The following DYNC2H1 variants were observed in gnomAD, a reference collection of about 807,000 sequenced individuals.
The protein encoded by DYNC2H1 is dynein cytoplasmic 2 heavy chain 1, also known as cytoplasmic dynein 2 heavy chain 1.
Under a neutral mutation model 570.0 loss-of-function variants are expected in DYNC2H1, and 410 were observed. The observed-to-expected ratio is 0.72, with a 90% CI of 0.66 to 0.78. The LOEUF (loss-of-function observed/expected upper bound fraction) is 0.78, where lower values mean the gene tolerates loss of function less well. Among genes scored for constraint, DYNC2H1 ranks in the 30% least tolerant of loss-of-function variants. The pLI is 0.00. For synonymous variants in DYNC2H1, 1,688 were observed against 1,677.6 expected, an observed-to-expected ratio of 1.01 and a Z score of -0.15; for missense variants, 4,865 against 5,046.4, an observed-to-expected ratio of 0.96 and a Z score of 1.09.
rs559566138 is a variant in DYNC2H1, at chr11:103,143,790, A to C, written c.2702+395A>C. 1.8e-4 allele frequency among the ~76,000 whole-genome samples: 28 copies of C among 152,260 alleles called. 1 individual carries two copies. In the East Asian group the frequency reaches 4.3e-3, roughly 23 times the overall value. On this transcript the variant is annotated intron_variant, in intron 18 of 88. Coordinates refer to ENST00000375735, the MANE Select transcript of DYNC2H1 (RefSeq NM_001377.3). ...TTCCTTTCAAGATGTCCTGGAAGGC[A>C]CACAACATAGTGCTGCATCTAGATA...
At chr11:103,412,809 A>G (rs1050659156) in intron 84 of DYNC2H1, among the ~76,000 whole-genome samples, 9 of 152,228 alleles carry the variant, frequency 5.9e-5, no homozygotes, top group Non-Finnish European at 1.5e-5. Flanking sequence ...TCATACATAT[A>G]CATATAGAAC....
intron 70 of DYNC2H1, among the ~76,000 whole-genome samples, chr11:103,279,115 G>A (rs774690872): frequency 4.6e-5 from 7 of 152,184 alleles, no homozygotes; most frequent in Non-Finnish European, 1.0e-4. Flanking sequence ...CTGTATTTAA[G>A]AGTGGTGTTT....
chr11:103,168,665 A>ATGTACAGG, intron 31 of DYNC2H1, 90 bp from the exon 32 acceptor site: 1 of 1,316,624 alleles, frequency 7.6e-7, no homozygotes, highest in Non-Finnish European at 1.1e-6. Context: ...ATTTAAATTC[A>ATGTACAGG]TGGAGAAATC....
At chr11:103,329,184 A>G (rs977307852) in intron 82 of DYNC2H1, among the ~76,000 whole-genome samples, 9 of 151,976 alleles carry the variant, frequency 5.9e-5, no homozygotes, top group Non-Finnish European at 1.0e-4. Flanking sequence ...CCTGGGAAAT[A>G]TCTATGATTA....
rs547694254 is a variant in DYNC2H1, at chr11:103,252,230, T to C, written c.10043-1055T>C. On this transcript the variant is annotated intron_variant, in intron 65 of 88. Transcript: ENST00000375735. This position sits in a 1 kb window ranked among gnomAD's most constrained non-coding sequence, Gnocchi z 4.6. ...GATTACAGGCATAAGCAGCCGTGCCTGACCCACATTTTCTTTATCCGATCT... is the reference window on the plus strand; with the variant it reads ...GATTACAGGCATAAGCAGCCGTGCCCGACCCACATTTTCTTTATCCGATCT... 1.7e-4 allele frequency among the ~76,000 whole-genome samples: 26 copies of C among 152,218 alleles called. No individual in the cohort carries two copies. In the South Asian group the frequency reaches 5.4e-3, roughly 32 times the overall value.
rs745355739 is a variant in DYNC2H1, at chr11:103,233,830, ATGTGTGTG to A, written c.9441-163_9441-156del. On this transcript the variant is annotated intron_variant, in intron 60 of 88. Transcript: ENST00000375735. ...TTTGAGGTAGAGAATGCTACACTTT[ATGTGTGTG>A]TGTGTGTGTGTGTGTGTGTGTGTGT... Among the ~76,000 whole-genome samples, 2,281 of 75,840 alleles carry A rather than the reference ATGTGTGTG, an allele frequency of 0.03. 85 individuals are homozygous for A. The highest frequency in any genetic ancestry group is 0.084 in the African/African-American group (2,100 of 25,002). The allele number at this position is 75,840 out of a possible 152,430, so 49.8% of individuals were successfully genotyped here. A position where few individuals can be genotyped will look rare whatever the true frequency, so the allele number is the denominator to read the frequency against.
intron 59 of DYNC2H1, among the ~76,000 whole-genome samples, chr11:103,230,682 A>G (rs1307695623): frequency 6.6e-6 from 1 of 152,020 alleles, no homozygotes; most frequent in Non-Finnish European, 1.5e-5. Flanking sequence ...TCCTCTTTGT[A>G]TAGGCATTTT....
At chr11:103,424,012 C>A (rs1349975893) in intron 84 of DYNC2H1, among the ~76,000 whole-genome samples, 1 of 151,666 alleles carries the variant, frequency 6.6e-6, no homozygotes. Context: ...AAAAGGAGAT[C>A]AAGACTTGTG....
At chr11:103,180,203 G>A (rs1861792230) in intron 39 of DYNC2H1, among the ~76,000 whole-genome samples, 1 of 151,502 alleles carries the variant, frequency 6.6e-6, no homozygotes, top group African/African-American at 2.4e-5. Context: ...AATCTTGTGA[G>A]AAAAATAGAA....
In DYNC2H1 at chr11:103,334,477, A is replaced by G. The variant is rs1939008348; in HGVS notation, c.12039+10487A>G. Among the ~76,000 whole-genome samples, 1 of 151,982 alleles carries G rather than the reference A, an allele frequency of 6.6e-6. No homozygotes were observed. Among genetic ancestry groups the G allele is most frequent in the African/African-American group, 2.4e-5 (1 of 41,368 alleles). ...TGTAAAATTTGGTTTCATTCTAACAATTCCATGTAATGAAGTTTTTTTTAA... is the reference window on the plus strand; with the variant it reads ...TGTAAAATTTGGTTTCATTCTAACAGTTCCATGTAATGAAGTTTTTTTTAA... On this transcript the variant is annotated intron_variant, in intron 82 of 88. Transcript: ENST00000375735. This position sits in a 1 kb window ranked among gnomAD's most constrained non-coding sequence, Gnocchi z 4.3.
chr11:103,425,924 C>A (rs1943654218), intron 84 of DYNC2H1, among the ~76,000 whole-genome samples: 1 of 147,726 alleles, frequency 6.8e-6, no homozygotes, highest in Non-Finnish European at 1.5e-5. Flanking sequence ...GAACAGGCCC[C>A]CAAATCTGGC....
chr11:103,356,408 A>G (rs1940340329), intron 82 of DYNC2H1, among the ~76,000 whole-genome samples: 1 of 152,198 alleles, frequency 6.6e-6, no homozygotes, highest in Non-Finnish European at 1.5e-5. Context: ...TTTCTTGGAC[A>G]GAAGACATCT....
chr11:103,219,793 C>A, intron 55 of DYNC2H1, 122 bp from the exon 56 acceptor site: 1 of 589,986 alleles, frequency 1.7e-6, no homozygotes, highest in Non-Finnish European at 2.8e-6. Context: ...GTCATAGATT[C>A]AAAACTAGTA....
In DYNC2H1 at chr11:103,187,449, T is replaced by TG; in HGVS notation, c.7004dup (p.Cys2335TrpfsTer7). ...TCTCCTGCAGAAACTGAGCCAGACT[T>TG]GCATGGTAATCAGTACTAATACTGG... On this transcript the variant is annotated frameshift_variant, in exon 43 of 89. Coordinates refer to ENST00000375735, the MANE Select transcript of DYNC2H1 (RefSeq NM_001377.3). LOFTEE classifies it high-confidence loss of function. 6.2e-7 allele frequency: 1 copy of TG among 1,613,300 alleles called. No homozygotes were observed. Among genetic ancestry groups the TG allele is most frequent in the Non-Finnish European group, 8.5e-7 (1 of 1,179,464 alleles).
At chr11:103,121,905 T>C (rs1426809681) in intron 10 of DYNC2H1, among the ~76,000 whole-genome samples, 1 of 152,240 alleles carries the variant, frequency 6.6e-6, no homozygotes, top group East Asian at 1.9e-4. Context: ...GAGCCATAAT[T>C]GTGCCACAGT....
At chr11:103,182,672 G>A (rs1008747110) in intron 40 of DYNC2H1, among the ~76,000 whole-genome samples, 4 of 151,850 alleles carry the variant, frequency 2.6e-5, no homozygotes, top group African/African-American at 4.8e-5. Flanking sequence ...AAAGAAGACC[G>A]TGGAGGGTGT....
At chr11:103,313,579 TAGAC>T (rs1867692067) in intron 79 of DYNC2H1, among the ~76,000 whole-genome samples, 1 of 152,194 alleles carries the variant, frequency 6.6e-6, no homozygotes, top group Non-Finnish European at 1.5e-5. Flanking sequence ...GTTCTGGAGC[TAGAC>T]AGACTTGCAT....
intron 84 of DYNC2H1, among the ~76,000 whole-genome samples, chr11:103,423,312 T>C (rs1232538850): frequency 2.0e-5 from 3 of 151,356 alleles, no homozygotes; most frequent in Admixed American, 6.6e-5. Context: ...TATAATCAAT[T>C]GATTTTCACC....
chr11:103,391,876 A>G (rs1278115762), intron 83 of DYNC2H1, among the ~76,000 whole-genome samples: 2 of 151,520 alleles, frequency 1.3e-5, no homozygotes, highest in Non-Finnish European at 2.9e-5. Flanking sequence ...TCAGAGGGGT[A>G]CCCAGCCGTG....
Sources: allele counts gnomAD v4.1 joint callset (sites outside exome capture counted in the v4.1 genomes callset), GRCh38; gene constraint gnomAD v4.1.1; non-coding constraint Gnocchi (gnomAD v3.1); transcripts MANE v1.5; gene names NCBI Gene and HGNC (gene_info 2026-07-23, HGNC 2026-07-21).